GIGYF2: variants seen among roughly 807,000 people sequenced by gnomAD.
GIGYF2 encodes the protein GRB10-interacting GYF protein 2.
A neutral mutation model predicts 208.1 loss-of-function variants in GIGYF2; 25 were observed. The observed-to-expected ratio is 0.12, with a 90% CI of 0.09 to 0.17. The LOEUF is 0.17. Among genes scored for constraint, GIGYF2 ranks in the 10% least tolerant of loss-of-function variants. The pLI, the probability that GIGYF2 is intolerant of heterozygous loss-of-function variation, is 1.00. For synonymous variants in GIGYF2, 534 were observed against 543.8 expected, an observed-to-expected ratio of 0.98 and a Z score of 0.25; for missense variants, 1,302 against 1,579.4, an observed-to-expected ratio of 0.82 and a Z score of 2.98.
At chr2:232,853,115 T>C (rs1472637730) in intron 28 of GIGYF2, among the ~76,000 whole-genome samples, 6 of 152,244 alleles carry the variant, frequency 3.9e-5, no homozygotes, top group African/African-American at 1.4e-4. Context: ...CCTATACTTA[T>C]TTCATTTTCA....
intron 8 of GIGYF2, chr2:232,768,721 G>A (rs901376453): frequency 6.2e-7 from 1 of 1,602,448 alleles, no homozygotes; most frequent in Non-Finnish European, 8.5e-7. Context: ...ATAAGATTAG[G>A]TTTGCCATCC....
At chr2:232,778,562 G>A (rs139200260) in intron 8 of GIGYF2, among the ~76,000 whole-genome samples, 1 of 152,270 alleles carries the variant, frequency 6.6e-6, no homozygotes, top group East Asian at 1.9e-4. Flanking sequence ...AGCTGGTGTA[G>A]GGGAGAGAGA....
chr2:232,761,258 A>G, intron 7 of GIGYF2, 138 bp from the exon 8 acceptor site: 1 of 622,006 alleles, frequency 1.6e-6, no homozygotes, highest in African/African-American at 1.9e-5. Context: ...TTTTCGAAAT[A>G]TTAGGCAATA....
At chr2:232,768,184 A>G (rs374301010) in intron 8 of GIGYF2, 19 of 1,613,776 alleles carry the variant, frequency 1.2e-5, no homozygotes, top group African/African-American at 2.7e-5. Flanking sequence ...TAAAAAATGG[A>G]TAAGTCTTAT....
intron 20 of GIGYF2, among the ~76,000 whole-genome samples, chr2:232,819,562 A>C (rs1004463432): frequency 6.6e-6 from 1 of 152,224 alleles, no homozygotes; most frequent in African/African-American, 2.4e-5. Flanking sequence ...TAAATGATGT[A>C]GCTAATATAG....
intron 2 of GIGYF2, among the ~76,000 whole-genome samples, chr2:232,710,692 C>CTTTTTTTTTTTTTTTTTTTTTTTTTTT (rs35154227): frequency 1.8e-5 from 2 of 113,978 alleles, no homozygotes; most frequent in Non-Finnish European, 3.6e-5. Flanking sequence ...TCTTGGTGTT[C>CTTTTTTTTTTTTTTTTTTTTTTTTTTT]TTTTTTTTTT....
intron 2 of GIGYF2, among the ~76,000 whole-genome samples, chr2:232,711,705 G>GTGTATATATATATATATATATA (rs147184549): frequency 2.9e-4 from 33 of 115,766 alleles, no homozygotes; most frequent in Middle Eastern, 4.8e-3. Context: ...TCACAATGAT[G>GTGTATATATATATATATATATA]TATATATATA....
At chr2:232,768,665 C>T in intron 8 of GIGYF2, 1 of 1,613,454 alleles carries the variant, frequency 6.2e-7, no homozygotes, top group South Asian at 1.1e-5. Flanking sequence ...CAGCTGAGAC[C>T]CGGACACTGG....
intron 2 of GIGYF2, chr2:232,724,769 T>A (rs968675950): frequency 2.6e-5 from 4 of 152,040 alleles, no homozygotes; most frequent in African/African-American, 9.7e-5. Flanking sequence ...CGTAGGCTGA[T>A]CTCAAACTTC....
At chr2:232,779,446 T>TG (rs1428343654) in intron 8 of GIGYF2, among the ~76,000 whole-genome samples, 2 of 152,234 alleles carry the variant, frequency 1.3e-5, no homozygotes, top group Admixed American at 6.5e-5. Context: ...AATCTTCAGT[T>TG]GGAGTGCGAT....
intron 28 of GIGYF2, among the ~76,000 whole-genome samples, chr2:232,856,477 G>A (rs1690577073): frequency 6.6e-6 from 1 of 151,984 alleles, no homozygotes; most frequent in African/African-American, 2.4e-5. Flanking sequence ...ATCATTTGAG[G>A]TCAGGAGTTC....
intron 2 of GIGYF2, among the ~76,000 whole-genome samples, chr2:232,713,076 A>ACTC (rs1696503342): frequency 1.4e-5 from 1 of 72,392 alleles, no homozygotes; most frequent in Non-Finnish European, 2.5e-5. Context: ...TGTAGAAAAA[A>ACTC]CTTCTTTTTT....
At chr2:232,729,541 A>G in intron 2 of GIGYF2, 1 of 1,335,824 alleles carries the variant, frequency 7.5e-7, no homozygotes, top group Non-Finnish European at 1.0e-6. Context: ...TGTTGAAAGC[A>G]GCCACATCCA....
intron 5 of GIGYF2, among the ~76,000 whole-genome samples, chr2:232,754,080 G>C (rs1047213765): frequency 4.6e-5 from 7 of 151,860 alleles, no homozygotes; most frequent in Non-Finnish European, 2.9e-5. Flanking sequence ...CAGGAGAATC[G>C]CTTGAACCTG....
chr2:232,830,084 G>A (rs57657135), intron 21 of GIGYF2, among the ~76,000 whole-genome samples: 15,488 of 152,074 alleles, frequency 0.1, 1,033 homozygotes, highest in East Asian at 0.2. Context: ...GGGCTCAAGC[G>A]ATCCTCCTGT....
rs780559435 is a variant in GIGYF2, at chr2:232,811,307, G to A, written c.1962G>A (p.Gln654=). ...CAGCACTGTCTTCCCAGCAGCAGCA[G>A]CAGTTGGCACTTCTTCTTCAACAGT... ...QKAALSSQQQ[Q]QLALLLQQFQ... is the part of the protein sequence containing the mutation. The change falls in exon 17 of 29, where the codon CAG becomes CAA. Residue 654 remains glutamine, a synonymous_variant. Transcript: ENST00000373563. The A allele has an allele frequency of 6.2e-7, 1 of 1,612,692 alleles. No homozygotes were observed. Among genetic ancestry groups the A allele is most frequent in the African/African-American group, 1.3e-5 (1 of 74,996 alleles).
In GIGYF2 at chr2:232,812,401, C is replaced by A; in HGVS notation, c.2017C>A (p.Gln673Lys). 2 of 1,394,960 alleles carry A rather than the reference C, an allele frequency of 1.4e-6. No individual in the cohort carries two copies. The highest frequency in any genetic ancestry group is 2.0e-6 in the Non-Finnish European group (2 of 980,998). The allele number at this position is 1,394,960 out of a possible 1,614,324, so 86.4% of individuals were successfully genotyped here. ...ATTTCCCTTTTGCAGAATATCTGAT[C>A]AGAACATCATTCCCTCAGTAACTAG... Reference protein sequence around the residue: ...FQTLKMRISDQNIIPSVTRSV... With the variant: ...FQTLKMRISDKNIIPSVTRSV... The change falls in exon 18 of 29, where the codon CAG (glutamine) becomes AAG (lysine). Residue 673 changes from glutamine to lysine, a missense_variant. By Grantham distance (53) the Gln-to-Lys change is moderately conservative. Transcript: ENST00000373563.
intron 2 of GIGYF2, among the ~76,000 whole-genome samples, chr2:232,730,734 T>C (rs1448166875): frequency 6.8e-6 from 1 of 147,460 alleles, no homozygotes; most frequent in Non-Finnish European, 1.5e-5. Context: ...CCGTCTCTAC[T>C]AAAAATACAA....
At chr2:232,702,464 G>C (rs1470457590) in intron 1 of GIGYF2, among the ~76,000 whole-genome samples, 1 of 151,622 alleles carries the variant, frequency 6.6e-6, no homozygotes. Flanking sequence ...AACTCTATCT[G>C]TCTCTATCTA....
Sources: allele counts gnomAD v4.1 joint callset (sites outside exome capture counted in the v4.1 genomes callset), GRCh38; gene constraint gnomAD v4.1.1; transcripts MANE v1.5; gene names NCBI Gene and HGNC (gene_info 2026-07-23, HGNC 2026-07-21).